AGMO: variants seen among roughly 807,000 people sequenced by gnomAD.
AGMO encodes the protein glyceryl-ether monooxygenase.
Under a neutral mutation model 60.2 loss-of-function variants are expected in AGMO, and 75 were observed. The observed-to-expected ratio is 1.25, with a 90% CI of 1.03 to 1.51. The LOEUF (loss-of-function observed/expected upper bound fraction) is 1.51. Among genes scored for constraint, AGMO ranks in the 40% most tolerant of loss-of-function variants. The probability of loss-of-function intolerance (pLI) is 0.00; values close to 1 mark genes in which losing one functional copy is unlikely to be tolerated. For missense variants in AGMO, 763 were observed against 525.5 expected, an observed-to-expected ratio of 1.45 and a Z score of -4.42; for synonymous variants, 261 against 177.1, an observed-to-expected ratio of 1.47 and a Z score of -3.76.
intron 12 of AGMO, among the ~76,000 whole-genome samples, chr7:15,312,107 C>T (rs1780784238): frequency 1.3e-5 from 2 of 151,752 alleles, no homozygotes; most frequent in Non-Finnish European, 2.9e-5. Flanking sequence ...GAGAAACAAA[C>T]TTAAGAGACA....
chr7:15,365,445 C>T, intron 12 of AGMO, 69 bp downstream of exon 12: 1 of 900,184 alleles, frequency 1.1e-6, no homozygotes, highest in Admixed American at 2.4e-5. Flanking sequence ...GAGAAAACAT[C>T]CTTGAATGAA....
At chr7:15,237,254 A>G (rs1445639970) in intron 12 of AGMO, among the ~76,000 whole-genome samples, 1 of 152,116 alleles carries the variant, frequency 6.6e-6, no homozygotes, top group East Asian at 1.9e-4. Flanking sequence ...ACCATGTTAT[A>G]TGTTCTTTCT....
intron 12 of AGMO, among the ~76,000 whole-genome samples, chr7:15,284,130 A>C (rs766805952): frequency 6.6e-6 from 1 of 152,000 alleles, no homozygotes; most frequent in Non-Finnish European, 1.5e-5. Flanking sequence ...CAAAAAGTAT[A>C]AAAGATCACA....
chr7:15,553,902 C>G (rs893702521), intron 2 of AGMO, among the ~76,000 whole-genome samples: 4 of 152,046 alleles, frequency 2.6e-5, no homozygotes, highest in Admixed American at 2.0e-4. Context: ...CCCACCACAT[C>G]CCACACACAT....
At chr7:15,535,674 G>A (rs1224753487) in intron 3 of AGMO, among the ~76,000 whole-genome samples, 1 of 151,874 alleles carries the variant, frequency 6.6e-6, no homozygotes, top group Non-Finnish European at 1.5e-5. Flanking sequence ...GTACATACTA[G>A]GTGTATATAT....
At chr7:15,447,658 C>T (rs1781735667) in intron 3 of AGMO, among the ~76,000 whole-genome samples, 1 of 152,098 alleles carries the variant, frequency 6.6e-6, no homozygotes. Flanking sequence ...TCAAGTGATT[C>T]TCCTGCCTGA....
intron 12 of AGMO, among the ~76,000 whole-genome samples, chr7:15,304,758 A>C (rs936264155): frequency 3.9e-5 from 6 of 152,046 alleles, no homozygotes; most frequent in Non-Finnish European, 8.8e-5. Context: ...ATTACTAGTA[A>C]ATTGTCAACT....
intron 12 of AGMO, among the ~76,000 whole-genome samples, chr7:15,345,835 C>A (rs1782013593): frequency 6.6e-6 from 1 of 152,160 alleles, no homozygotes; most frequent in Non-Finnish European, 1.5e-5. Context: ...TCCTGACCCT[C>A]TATTCCTCAT....
intron 3 of AGMO, among the ~76,000 whole-genome samples, chr7:15,443,321 C>A (rs1369866950): frequency 2.0e-5 from 3 of 152,128 alleles, no homozygotes; most frequent in Non-Finnish European, 4.4e-5. Flanking sequence ...GGGGTTGGAG[C>A]CCCACAGCCT....
intron 12 of AGMO, among the ~76,000 whole-genome samples, chr7:15,354,042 A>G (rs1373884545): frequency 6.6e-6 from 1 of 152,068 alleles, no homozygotes; most frequent in Non-Finnish European, 1.5e-5. Context: ...GAGAAGCAAT[A>G]CTATGTTCTA....
intron 3 of AGMO, among the ~76,000 whole-genome samples, chr7:15,518,216 TG>T (rs1783876015): frequency 6.6e-6 from 1 of 152,044 alleles, no homozygotes; most frequent in African/African-American, 2.4e-5. Flanking sequence ...ACAGAGCACC[TG>T]GGGGAAGGGG....
rs756187484 is a variant in AGMO, at chr7:15,544,824, T to C, written c.357A>G (p.Ser119=). The stretch of plus-strand genomic sequence containing the variant: ...AGCCAAAGTCAACTCCTAAGAAGGC[T>C]GAATACCAAGTCCATGGAGAATCCC... ...LPWDSPWTWY[S]AFLGVDFGYY... Residue 119 remains serine, a synonymous_variant, in exon 3 of 13, where the codon TCA becomes TCG. Transcript: ENST00000342526. The C allele has an allele frequency of 1.9e-6, 3 of 1,610,344 alleles. No individual in the cohort carries two copies. Among genetic ancestry groups the C allele is most frequent in the Non-Finnish European group, 2.5e-6 (3 of 1,178,048 alleles).
the AGMO span, among the ~76,000 whole-genome samples, chr7:15,153,072 T>G: frequency 6.6e-6 from 1 of 152,326 alleles, no homozygotes; most frequent in Admixed American, 6.5e-5. Flanking sequence ...TTGATTTGGA[T>G]TTCTCTGATA....
chr7:15,280,724 G>C (rs1783939115), intron 12 of AGMO, among the ~76,000 whole-genome samples: 1 of 152,176 alleles, frequency 6.6e-6, no homozygotes, highest in Admixed American at 6.5e-5. Context: ...CCTACACCCA[G>C]GAAGAAGAAA....
intron 3 of AGMO, among the ~76,000 whole-genome samples, chr7:15,539,491 A>G (rs1422701532): frequency 1.3e-5 from 2 of 152,048 alleles, no homozygotes; most frequent in African/African-American, 4.8e-5. Flanking sequence ...TTATGACTGC[A>G]TAGTATTCCA....
At position 15,499,906 on chromosome 7, in the gene AGMO, C is replaced by T. The variant is rs1027267391; in HGVS notation, c.409+44866G>A. ...AGGAATGGGAATATTATATGTATTA[C>T]GCACACACACACACACACACACACA... On this transcript the variant is annotated intron_variant, in intron 3 of 12. Transcript: ENST00000342526. Among the ~76,000 whole-genome samples, 12 of 68,564 alleles carry T rather than the reference C, an allele frequency of 1.8e-4. No individual in the cohort carries two copies. In the East Asian group the frequency reaches 3.4e-3, roughly 20 times the overall value. The allele number at this position is 68,564 out of a possible 152,430, so 45.0% of individuals were successfully genotyped here. A position where few individuals can be genotyped will look rare whatever the true frequency, so the allele number is the denominator to read the frequency against.
intron 12 of AGMO, among the ~76,000 whole-genome samples, chr7:15,358,765 G>A (rs1291698498): frequency 2.0e-5 from 3 of 152,158 alleles, no homozygotes; most frequent in Admixed American, 6.6e-5. Flanking sequence ...ATGCCAGCAA[G>A]AGAAGGACAA....
At chr7:15,484,916 G>A (rs1034487790) in intron 3 of AGMO, among the ~76,000 whole-genome samples, 7 of 152,062 alleles carry the variant, frequency 4.6e-5, no homozygotes, top group Non-Finnish European at 1.0e-4. Flanking sequence ...AGACATCAAC[G>A]AAATATGTAG....
intron 12 of AGMO, among the ~76,000 whole-genome samples, chr7:15,205,995 T>G (rs1335598185): frequency 1.3e-5 from 2 of 152,076 alleles, no homozygotes; most frequent in African/African-American, 4.8e-5. Context: ...CCTAAATTAT[T>G]TAAAGAAAAC....
Sources: gnomAD v4.1 joint callset for allele counts (sites outside exome capture counted in the v4.1 genomes callset) on GRCh38, gnomAD v4.1.1 for gene constraint, MANE v1.5 for transcripts, NCBI Gene and HGNC (gene_info 2026-07-23, HGNC 2026-07-21) for gene names.